APAF1: variants seen among roughly 807,000 people sequenced by gnomAD.
The protein encoded by APAF1 is apoptotic peptidase activating factor 1, also known as apoptotic protease-activating factor 1.
Under a neutral mutation model 152.4 loss-of-function variants are expected in APAF1, and 91 were observed. The ratio of observed to expected loss-of-function variants is 0.60; its 90% CI spans 0.50 to 0.71. The LOEUF is 0.71. Ranked by LOEUF, APAF1 falls within the 30% of genes least tolerant of loss-of-function variation. APAF1 has a pLI of 0.00. For synonymous variants in APAF1, 484 were observed against 494.1 expected (o/e 0.98, Z 0.27); for missense variants, 1,283 against 1,472.0 (o/e 0.87, Z 2.10).
intron 26 of APAF1, among the ~76,000 whole-genome samples, chr12:98,727,971 AATT>A (rs59548547): frequency 0.019 from 2,696 of 139,838 alleles, 75 homozygotes; most frequent in African/African-American, 0.07. Flanking sequence ...TAAATAAATT[AATT>A]AATTAATTAA....
intron 15 of APAF1, among the ~76,000 whole-genome samples, chr12:98,685,674 C>T (rs559229143): frequency 1.9e-4 from 28 of 149,824 alleles, no homozygotes; most frequent in Non-Finnish European, 3.3e-4. Context: ...CTTCCTCTAT[C>T]ACCCAGGCTG....
Position 98,665,733 on chromosome 12 carries a change from T to C in APAF1, c.1136T>C (p.Ile379Thr). ...AGTGTTGAAATGCTCAGAGAAGACA[T>C]CAAAGATTATTACACAGATCTTTCC... Reference protein sequence around the residue: ...SISVEMLREDIKDYYTDLSIL... With the variant: ...SISVEMLREDTKDYYTDLSIL... The change falls in exon 8 of 27, where the codon ATC (isoleucine) becomes ACC (threonine). Residue 379 changes from isoleucine to threonine, a missense_variant. Coordinates refer to ENST00000551964, the MANE Select transcript of APAF1 (RefSeq NM_181861.2). 6.2e-7 allele frequency: 1 copy of C among 1,614,120 alleles called. No homozygotes were observed. The highest frequency in any genetic ancestry group is 1.1e-5 in the South Asian group (1 of 91,084).
At chr12:98,668,030 C>T (rs1368515687) in intron 10 of APAF1, among the ~76,000 whole-genome samples, 1 of 152,088 alleles carries the variant, frequency 6.6e-6, no homozygotes, top group South Asian at 2.1e-4. Context: ...GTGATCCACT[C>T]GCTTCAGCCT....
intron 12 of APAF1, among the ~76,000 whole-genome samples, chr12:98,675,936 C>T (rs1346563011): frequency 3.3e-5 from 5 of 152,066 alleles, no homozygotes; most frequent in Admixed American, 6.5e-5. Context: ...CTTTATGTGT[C>T]GGGTGCTGTT....
intron 14 of APAF1, among the ~76,000 whole-genome samples, chr12:98,681,241 T>A (rs1385750230): frequency 3.9e-5 from 6 of 152,074 alleles, no homozygotes; most frequent in Admixed American, 3.9e-4. Flanking sequence ...TTTGTAGTTT[T>A]GGTAGAGACA....
At position 98,646,070 on chromosome 12, in the gene APAF1, A is replaced by G. The variant is rs149303143; in HGVS notation, c.-42+235A>G. On this transcript the variant is annotated intron_variant, in intron 1 of 26. Transcript: ENST00000551964. ...TTGGCTTTCCATTTTGTTGTGGGTTACAAAAGGTTTTGAGACTTAGTTCAG... is the reference window on the plus strand; with the variant it reads ...TTGGCTTTCCATTTTGTTGTGGGTTGCAAAAGGTTTTGAGACTTAGTTCAG... Among the ~76,000 whole-genome samples the G allele has an allele frequency of 6.8e-3, 1,030 of 152,334 alleles. 11 individuals carry two copies. The highest frequency in any genetic ancestry group is 0.023 in the African/African-American group (975 of 41,578).
At chr12:98,676,957 T>G (rs2097687266) in intron 12 of APAF1, among the ~76,000 whole-genome samples, 2 of 152,258 alleles carry the variant, frequency 1.3e-5, no homozygotes, top group South Asian at 4.1e-4. Flanking sequence ...GAAGAGCAGC[T>G]TTAAAGTACA....
intron 4 of APAF1, among the ~76,000 whole-genome samples, chr12:98,653,676 AAAAAAAAAAAAAAAAATATATATAT>A (rs1198879044): frequency 2.9e-5 from 2 of 69,734 alleles, no homozygotes; most frequent in Non-Finnish European, 5.8e-5. Flanking sequence ...AAAAAAAAAA[AAAAAAAAAAAAAAAAATATATATAT>A]ATATATATAT....
At chr12:98,677,269 C>A (rs2097687598) in intron 12 of APAF1, among the ~76,000 whole-genome samples, 156 bp from the exon 13 acceptor site, 1 of 152,026 alleles carries the variant, frequency 6.6e-6, no homozygotes, top group Non-Finnish European at 1.5e-5. Context: ...TTTTGGTGAT[C>A]TGTGCTGTCA....
chr12:98,651,135 T>C (rs1012891892), intron 4 of APAF1, among the ~76,000 whole-genome samples: 1 of 152,250 alleles, frequency 6.6e-6, no homozygotes, highest in Non-Finnish European at 1.5e-5. Context: ...GCTTAATTCA[T>C]ATTCCTCGTA....
chr12:98,692,300 G>T (rs1413087763), intron 16 of APAF1, among the ~76,000 whole-genome samples: 1 of 152,056 alleles, frequency 6.6e-6, no homozygotes, highest in Non-Finnish European at 1.5e-5. Flanking sequence ...AGCCAGAATG[G>T]TCTTGATCTC....
intron 18 of APAF1, among the ~76,000 whole-genome samples, chr12:98,706,144 C>G (rs1425520477): frequency 6.6e-6 from 1 of 152,104 alleles, no homozygotes; most frequent in African/African-American, 2.4e-5. Flanking sequence ...CTCTTCTACA[C>G]TTTGCTTTTT....
chr12:98,683,114 T>C, intron 14 of APAF1, 29 bp from the exon 15 acceptor site: 1 of 1,586,190 alleles, frequency 6.3e-7, no homozygotes, highest in Non-Finnish European at 8.6e-7. Context: ...ATAATGGATA[T>C]TTGTAAATTT....
At chr12:98,714,754 T>G (rs1417596982) in intron 21 of APAF1, among the ~76,000 whole-genome samples, 1 of 152,196 alleles carries the variant, frequency 6.6e-6, no homozygotes, top group Non-Finnish European at 1.5e-5. Flanking sequence ...TCCTTAGGCT[T>G]TCTTGAGTAC....
chr12:98,666,848 GGTT>G lies in APAF1; in HGVS notation c.1362+492_1362+494del, dbSNP rs556695839. Among the ~76,000 whole-genome samples, 10 of 145,562 alleles carry G rather than the reference GGTT, an allele frequency of 6.9e-5. No homozygotes were observed. In the South Asian group the frequency reaches 1.1e-3, roughly 16 times the overall value. On this transcript the variant is annotated intron_variant, in intron 9 of 26. Transcript: ENST00000551964. The stretch of plus-strand genomic sequence containing the variant: ...GCGTCATAGGCTGAGAGTACTTGGT[GGTT>G]TTTAAAAAATTTTTTGTAGAGATAG...
At chr12:98,709,119 T>A (rs1436722828) in intron 20 of APAF1, among the ~76,000 whole-genome samples, 2 of 151,758 alleles carry the variant, frequency 1.3e-5, no homozygotes, top group East Asian at 3.9e-4. Flanking sequence ...GAGGAAGGAG[T>A]CTGATTGATT....
At chr12:98,661,826 C>G (rs111410833) in intron 5 of APAF1, among the ~76,000 whole-genome samples, 1 of 151,646 alleles carries the variant, frequency 6.6e-6, no homozygotes, top group Non-Finnish European at 1.5e-5. Context: ...ATTATGCTAT[C>G]AGGTTTTAGT....
chr12:98,697,017 T>C (rs2097710711), intron 16 of APAF1, among the ~76,000 whole-genome samples: 1 of 152,208 alleles, frequency 6.6e-6, no homozygotes, highest in Admixed American at 6.5e-5. Context: ...ATAAGGACTC[T>C]GTTGGGGAAG....
chr12:98,720,315 C>A (rs2097740717), intron 22 of APAF1, among the ~76,000 whole-genome samples: 1 of 152,126 alleles, frequency 6.6e-6, no homozygotes, highest in South Asian at 2.1e-4. Context: ...ACTCAGAATA[C>A]TTTTTACATT....
Sources: gnomAD v4.1 joint callset for allele counts (sites outside exome capture counted in the v4.1 genomes callset) on GRCh38, gnomAD v4.1.1 for gene constraint, MANE v1.5 for transcripts, NCBI Gene and HGNC (gene_info 2026-07-23, HGNC 2026-07-21) for gene names.